CNTNAP2: variants seen among roughly 807,000 people sequenced by gnomAD.
CNTNAP2 encodes contactin-associated protein-like 2.
Under a neutral mutation model 155.2 loss-of-function variants are expected in CNTNAP2, and 98 were observed. That is an observed-to-expected ratio of 0.63 (90% CI 0.54 to 0.75). The LOEUF (loss-of-function observed/expected upper bound fraction) is 0.75. Among genes scored for constraint, CNTNAP2 ranks in the 30% least tolerant of loss-of-function variants. The pLI is 0.00. For synonymous variants in CNTNAP2, 651 were observed against 631.2 expected, an observed-to-expected ratio of 1.03 and a Z score of -0.47; for missense variants, 1,727 against 1,688.1, an observed-to-expected ratio of 1.02 and a Z score of -0.40.
intron 9 of CNTNAP2, among the ~76,000 whole-genome samples, chr7:147,348,968 G>A (rs929717081): frequency 2.6e-5 from 4 of 151,896 alleles, no homozygotes; most frequent in African/African-American, 4.8e-5. Flanking sequence ...TAAAGCACAG[G>A]ATACTAGAGG....
chr7:148,190,816 T>C (rs1294899071), intron 18 of CNTNAP2: 1 of 148,744 alleles, frequency 6.7e-6, no homozygotes, highest in African/African-American at 2.5e-5. Flanking sequence ...AGAGTTCTGA[T>C]GCCAAGGGCA....
chr7:146,159,473 AGT>A (rs1798181878), intron 1 of CNTNAP2, among the ~76,000 whole-genome samples: 1 of 152,158 alleles, frequency 6.6e-6, no homozygotes, highest in Non-Finnish European at 1.5e-5. Context: ...AAGACCCATC[AGT>A]GTGCTGTATT....
intron 3 of CNTNAP2, among the ~76,000 whole-genome samples, chr7:146,907,757 A>T (rs1396658891): frequency 6.6e-6 from 1 of 151,080 alleles, no homozygotes; most frequent in Non-Finnish European, 1.5e-5. Flanking sequence ...GAGCAAAATC[A>T]CCAGCTAACA....
At chr7:147,105,888 A>G (rs1418311403) in intron 4 of CNTNAP2, among the ~76,000 whole-genome samples, 1 of 152,060 alleles carries the variant, frequency 6.6e-6, no homozygotes, top group Non-Finnish European at 1.5e-5. Flanking sequence ...CTTGGTCTAC[A>G]TGAATAGCTG....
chr7:146,198,388 G>A (rs1798808105), intron 1 of CNTNAP2, among the ~76,000 whole-genome samples: 1 of 152,104 alleles, frequency 6.6e-6, no homozygotes, highest in Non-Finnish European at 1.5e-5. Context: ...TAACTCAAAA[G>A]TGAATGACTT....
intron 3 of CNTNAP2, among the ~76,000 whole-genome samples, chr7:147,016,698 AC>A (rs768899218): frequency 1.3e-5 from 2 of 152,202 alleles, no homozygotes; most frequent in East Asian, 3.9e-4. Flanking sequence ...CTTTTGACAG[AC>A]CCATATTGCT....
At chr7:148,247,925 ATT>A (rs1796301865) in intron 20 of CNTNAP2, among the ~76,000 whole-genome samples, 2 of 152,046 alleles carry the variant, frequency 1.3e-5, no homozygotes, top group African/African-American at 4.8e-5. Context: ...AAGTGCTGGG[ATT>A]ACAGGTGTGA....
At chr7:147,172,075 T>C (rs758897877) in intron 8 of CNTNAP2, among the ~76,000 whole-genome samples, 11 of 152,210 alleles carry the variant, frequency 7.2e-5, no homozygotes, top group Non-Finnish European at 1.5e-4. Flanking sequence ...TACTGGTTCA[T>C]TGTAATTTCC....
intron 9 of CNTNAP2, among the ~76,000 whole-genome samples, chr7:147,330,334 G>T (rs826790): frequency 0.37 from 56,394 of 151,894 alleles, 11,108 homozygotes; most frequent in African/African-American, 0.5. Flanking sequence ...CTTTTCCTAT[G>T]CATTTCCTCC....
chr7:146,673,654 C>G (rs186344504), intron 1 of CNTNAP2, among the ~76,000 whole-genome samples: 1 of 152,346 alleles, frequency 6.6e-6, no homozygotes, highest in Non-Finnish European at 1.5e-5. Flanking sequence ...ACCAATCTGG[C>G]TGTTTCTGTG....
chr7:147,247,313 C>A (rs1252789352), intron 8 of CNTNAP2, among the ~76,000 whole-genome samples: 1 of 152,158 alleles, frequency 6.6e-6, no homozygotes, highest in African/African-American at 2.4e-5. Flanking sequence ...AATCAAGTCA[C>A]CTCCTTGGCA....
At chr7:146,737,522 A>G (rs1488915055) in intron 1 of CNTNAP2, among the ~76,000 whole-genome samples, 1 of 152,146 alleles carries the variant, frequency 6.6e-6, no homozygotes, top group Non-Finnish European at 1.5e-5. Context: ...GAGATGGAAC[A>G]GGTATAACGG....
chr7:147,674,053 C>T (rs1018442075), intron 13 of CNTNAP2, among the ~76,000 whole-genome samples: 9 of 151,952 alleles, frequency 5.9e-5, no homozygotes, highest in African/African-American at 2.2e-4. Context: ...AAACAAGAGA[C>T]ACATTGTAGC....
chr7:147,650,826 G>A (rs1795438953), intron 13 of CNTNAP2, among the ~76,000 whole-genome samples: 1 of 151,180 alleles, frequency 6.6e-6, no homozygotes, highest in African/African-American at 2.5e-5. Context: ...AAAATATAGA[G>A]TGAAATTTTT....
intron 22 of CNTNAP2, among the ~76,000 whole-genome samples, chr7:148,402,914 A>G (rs1055195309): frequency 2.0e-5 from 3 of 151,070 alleles, no homozygotes; most frequent in Non-Finnish European, 4.4e-5. Flanking sequence ...TAGATATTTC[A>G]ATTTATTTTT....
At chr7:147,582,093 C>G (rs999873781) in intron 12 of CNTNAP2, among the ~76,000 whole-genome samples, 3 of 152,068 alleles carry the variant, frequency 2.0e-5, no homozygotes, top group Non-Finnish European at 2.9e-5. Flanking sequence ...ATAATAGCCT[C>G]AAGTTTCAAA....
chr7:147,048,143 C>T (rs112193964), intron 4 of CNTNAP2, among the ~76,000 whole-genome samples: 20 of 140,950 alleles, frequency 1.4e-4, no homozygotes, highest in African/African-American at 3.8e-4. Flanking sequence ...GGCGTGATCT[C>T]GGCTCACTGC....
chr7:147,512,512 A>AT (rs1799039912), intron 11 of CNTNAP2, among the ~76,000 whole-genome samples: 1 of 152,248 alleles, frequency 6.6e-6, no homozygotes, highest in Admixed American at 6.5e-5. Flanking sequence ...TTCATACATC[A>AT]TTTTTTCTCA....
chr7:147,311,718 C>T (rs1446402204), intron 9 of CNTNAP2, among the ~76,000 whole-genome samples: 1 of 151,888 alleles, frequency 6.6e-6, no homozygotes, highest in East Asian at 1.9e-4. Flanking sequence ...TTTTTTTTCC[C>T]CAACAAAGTT....
Sources: allele counts gnomAD v4.1 joint callset (sites outside exome capture counted in the v4.1 genomes callset), GRCh38; gene constraint gnomAD v4.1.1; transcripts MANE v1.5; gene names NCBI Gene and HGNC (gene_info 2026-07-23, HGNC 2026-07-21).